AUTS2: variants seen among roughly 807,000 people sequenced by gnomAD.
AUTS2 encodes the protein autism susceptibility gene 2 protein.
Under a neutral mutation model 112.4 loss-of-function variants are expected in AUTS2, and 17 were observed. That is an observed-to-expected ratio of 0.15 (90% confidence interval 0.10 to 0.23). The LOEUF is 0.23. AUTS2 is among the 10% of genes least tolerant of loss of function. The probability of loss-of-function intolerance (pLI) is 1.00; values close to 1 mark genes in which losing one functional copy is unlikely to be tolerated. For synonymous variants in AUTS2, 751 were observed against 702.7 expected, an observed-to-expected ratio of 1.07 and a Z score of -1.09; for missense variants, 1,510 against 1,701.6, an observed-to-expected ratio of 0.89 and a Z score of 1.98.
intron 4 of AUTS2, among the ~76,000 whole-genome samples, chr7:70,392,948 G>A (rs1439578700): frequency 6.6e-6 from 1 of 152,200 alleles, no homozygotes; most frequent in Admixed American, 6.5e-5. Context: ...TTTCTACTGG[G>A]GCCATTTCTT....
At chr7:69,946,557 TACACACACACACACACAC>T (rs57891742) in intron 2 of AUTS2, among the ~76,000 whole-genome samples, 9,588 of 144,014 alleles carry the variant, frequency 0.067, 374 homozygotes, top group Middle Eastern at 0.17. Flanking sequence ...TGTGATGTGA[TACACACACACACACACAC>T]ACACACACAC....
intron 4 of AUTS2, among the ~76,000 whole-genome samples, chr7:70,318,066 T>C (rs1790082429): frequency 6.6e-6 from 1 of 152,184 alleles, no homozygotes; most frequent in Non-Finnish European, 1.5e-5. Flanking sequence ...TTTTTAAAGC[T>C]TTTTCAAGGA....
chr7:70,472,683 G>A (rs145531177), intron 5 of AUTS2, among the ~76,000 whole-genome samples: 6 of 152,234 alleles, frequency 3.9e-5, no homozygotes, highest in South Asian at 2.1e-4. Context: ...CAACACACTC[G>A]TCTGCATTTT....
chr7:70,667,574 A>G (rs1807413135), intron 5 of AUTS2, among the ~76,000 whole-genome samples: 1 of 152,210 alleles, frequency 6.6e-6, no homozygotes, highest in Non-Finnish European at 1.5e-5. Flanking sequence ...AAACTGATCA[A>G]CTGGCAGGTT....
chr7:69,914,415 C>T (rs1795490736), intron 2 of AUTS2, among the ~76,000 whole-genome samples: 1 of 150,220 alleles, frequency 6.7e-6, no homozygotes, highest in Admixed American at 6.7e-5. Context: ...GACCCCAATA[C>T]AGTATGACTG....
At chr7:69,811,464 A>G (rs1790538803) in intron 1 of AUTS2, among the ~76,000 whole-genome samples, 1 of 152,004 alleles carries the variant, frequency 6.6e-6, no homozygotes, top group Non-Finnish European at 1.5e-5. Flanking sequence ...TTCAGTCAAG[A>G]AGGAGCCTCT....
At chr7:70,586,402 T>C (rs957286357) in intron 5 of AUTS2, among the ~76,000 whole-genome samples, 8 of 147,198 alleles carry the variant, frequency 5.4e-5, no homozygotes, top group African/African-American at 1.9e-4. Context: ...ATTTCATAAT[T>C]TAAAAAGAAG....
chr7:70,127,575 A>T (rs573617523), intron 3 of AUTS2, among the ~76,000 whole-genome samples: 2 of 152,152 alleles, frequency 1.3e-5, no homozygotes, highest in East Asian at 3.9e-4. Flanking sequence ...TATGAATATG[A>T]CTCTTTTCAC....
chr7:70,482,846 G>A (rs1797842658), intron 5 of AUTS2, among the ~76,000 whole-genome samples: 3 of 151,898 alleles, frequency 2.0e-5, no homozygotes, highest in Admixed American at 2.0e-4. Flanking sequence ...TAGGTAGATA[G>A]AGAGCTGTCA....
chr7:69,868,703 C>A (rs1793348317), intron 1 of AUTS2, among the ~76,000 whole-genome samples: 2 of 152,148 alleles, frequency 1.3e-5, no homozygotes, highest in Admixed American at 1.3e-4. Flanking sequence ...GATGATTTGT[C>A]TCCTCATTTT....
chr7:70,038,949 G>C (rs903214380), intron 2 of AUTS2, among the ~76,000 whole-genome samples: 2 of 152,040 alleles, frequency 1.3e-5, no homozygotes, highest in African/African-American at 4.8e-5. Context: ...AGTAGAGACG[G>C]AGTTTCACTG....
At chr7:69,631,351 G>A (rs1211943894) in intron 1 of AUTS2, among the ~76,000 whole-genome samples, 1 of 152,138 alleles carries the variant, frequency 6.6e-6, no homozygotes, top group African/African-American at 2.4e-5. Flanking sequence ...GCGGTTTGAG[G>A]ACTGTACCTG....
chr7:70,220,168 A>G (rs1811399140), intron 4 of AUTS2, among the ~76,000 whole-genome samples: 1 of 152,248 alleles, frequency 6.6e-6, no homozygotes, highest in Admixed American at 6.5e-5. Context: ...GCAGTGTTCC[A>G]ATAAAACTTT....
intron 4 of AUTS2, among the ~76,000 whole-genome samples, chr7:70,304,983 T>G (rs1016431561): frequency 6.6e-6 from 1 of 152,156 alleles, no homozygotes; most frequent in African/African-American, 2.4e-5. Flanking sequence ...TGACCACTCT[T>G]AATATTTTGT....
chr7:70,563,531 A>G (rs781281808), intron 5 of AUTS2, among the ~76,000 whole-genome samples: 3 of 152,190 alleles, frequency 2.0e-5, no homozygotes, highest in Non-Finnish European at 2.9e-5. Flanking sequence ...ACTTCAGGAC[A>G]TTATCCAGTT....
chr7:70,160,633 C>A (rs1808028348), intron 4 of AUTS2, among the ~76,000 whole-genome samples: 2 of 152,156 alleles, frequency 1.3e-5, no homozygotes, highest in Non-Finnish European at 2.9e-5. Context: ...CAAAATGCAT[C>A]TTGTTATTGT....
intron 5 of AUTS2, among the ~76,000 whole-genome samples, chr7:70,594,437 C>T (rs113507940): frequency 1.5e-3 from 221 of 152,248 alleles, no homozygotes; most frequent in African/African-American, 4.7e-3. Context: ...TGGAGAGAAC[C>T]GGTGATTTGA....
intron 1 of AUTS2, among the ~76,000 whole-genome samples, chr7:69,689,374 G>A (rs1308108215): frequency 8.4e-5 from 10 of 119,646 alleles, no homozygotes; most frequent in African/African-American, 2.6e-4. Flanking sequence ...TTTTTGAGAC[G>A]GAGTCTCTCT....
chr7:70,261,039 G>A (rs1044755776), intron 4 of AUTS2, among the ~76,000 whole-genome samples: 4 of 152,034 alleles, frequency 2.6e-5, no homozygotes, highest in African/African-American at 7.2e-5. Flanking sequence ...GAGCCACCGC[G>A]CCCGGCCAAC....
Sources: gnomAD v4.1 joint callset for allele counts (sites outside exome capture counted in the v4.1 genomes callset) on GRCh38, gnomAD v4.1.1 for gene constraint, MANE v1.5 for transcripts, NCBI Gene and HGNC (gene_info 2026-07-23, HGNC 2026-07-21) for gene names.